ZNF804B: variants seen among roughly 807,000 people sequenced by gnomAD.
ZNF804B encodes the protein zinc finger protein 804B, also known as zinc finger 804B.
In ZNF804B, 80 loss-of-function variants were observed where a neutral mutation model predicts 101.4. The observed-to-expected ratio is 0.79, with a 90% confidence interval of 0.66 to 0.95. The LOEUF (loss-of-function observed/expected upper bound fraction) is 0.95, where lower values mean the gene tolerates loss of function less well. ZNF804B is among the 40% of genes least tolerant of loss of function. The probability of loss-of-function intolerance (pLI) is 0.00; values close to 1 mark genes in which losing one functional copy is unlikely to be tolerated. For synonymous variants in ZNF804B, 622 were observed against 558.8 expected, an observed-to-expected ratio of 1.11 and a Z score of -1.59; for missense variants, 1,673 against 1,561.9, an observed-to-expected ratio of 1.07 and a Z score of -1.20.
chr7:88,903,153 C>T lies in ZNF804B; in HGVS notation c.108+143069C>T, dbSNP rs548603640. On this transcript the variant is annotated intron_variant, in intron 1 of 3. Transcript: ENST00000333190. ...TTAATTGATTCCATCTTTACGTCCA[C>T]ATGTGCTCAATGTTGCTCCCACTTA... 2.0e-5 allele frequency among the ~76,000 whole-genome samples: 3 copies of T among 151,520 alleles called. No homozygotes were observed. The South Asian group carries it at 6.3e-4, about 32-fold the overall frequency.
In ZNF804B at chr7:88,854,527, T is replaced by TTTCCTTTCCTTCCCTCCC. The variant is rs1791519535; in HGVS notation, c.108+94449_108+94450insTCCTTCCCTCCCTTCCTT. The stretch of plus-strand genomic sequence containing the variant: ...CTTTCCTTTCCTTTCCTTTCCTTCC[T>TTTCCTTTCCTTCCCTCCC]TTCCTTCCTTCCTTCCTTCCTTCCT... On this transcript the variant is annotated intron_variant, in intron 1 of 3. Coordinates refer to ENST00000333190, the MANE Select transcript of ZNF804B (RefSeq NM_181646.5). 1.7e-4 allele frequency among the ~76,000 whole-genome samples: 7 copies of TTTCCTTTCCTTCCCTCCC among 40,078 alleles called. No individual in the cohort carries two copies. The East Asian group carries it at 7.6e-3, about 43-fold the overall frequency. 26.3% of individuals were successfully genotyped at this position (40,078 alleles called of 152,430 possible).
chr7:89,047,374 G>T (rs2116258534), intron 1 of ZNF804B, among the ~76,000 whole-genome samples: 1 of 152,166 alleles, frequency 6.6e-6, no homozygotes, highest in African/African-American at 2.4e-5. Context: ...ATATGAATTA[G>T]GGATAATGTG....
intron 2 of ZNF804B, among the ~76,000 whole-genome samples, chr7:89,321,892 G>C (rs1019950099): frequency 6.6e-6 from 1 of 152,046 alleles, no homozygotes; most frequent in African/African-American, 2.4e-5. Context: ...TAATAGAAAA[G>C]AGATATGACA....
chr7:89,072,270 A>G (rs928731631), intron 1 of ZNF804B, among the ~76,000 whole-genome samples: 2 of 152,138 alleles, frequency 1.3e-5, no homozygotes, highest in African/African-American at 2.4e-5. Context: ...CCTAGGTAAC[A>G]TTTCTTTCTC....
rs560192137 is a variant in ZNF804B, at chr7:89,031,296, C to T, written c.109-186859C>T. Among the ~76,000 whole-genome samples the T allele has an allele frequency of 4.6e-5, 7 of 151,664 alleles. No individual in the cohort carries two copies. The South Asian group carries it at 1.5e-3, about 32-fold the overall frequency. ...GTAAAACTTTCTCTGACTATACCCA[C>T]CTAGACTCAATTACCCTTTGCGCAC... On this transcript the variant is annotated intron_variant, in intron 1 of 3. Transcript: ENST00000333190.
chr7:89,305,529 G>C (rs977995481), intron 2 of ZNF804B, among the ~76,000 whole-genome samples: 5 of 149,412 alleles, frequency 3.3e-5, no homozygotes, highest in African/African-American at 1.3e-4. Context: ...AACATAGTTT[G>C]TTGTTGTTGT....
chr7:89,324,134 G>A (rs531968208), intron 2 of ZNF804B, among the ~76,000 whole-genome samples: 42 of 151,102 alleles, frequency 2.8e-4, no homozygotes, highest in East Asian at 1.9e-3. Context: ...AACGTTTTCC[G>A]TAAGTATTGG....
chr7:88,876,585 A>G (rs916726814), intron 1 of ZNF804B, among the ~76,000 whole-genome samples: 24 of 152,244 alleles, frequency 1.6e-4, no homozygotes, highest in South Asian at 6.2e-4. Context: ...CACTAGGTCT[A>G]TTTTAATCCA....
intron 1 of ZNF804B, among the ~76,000 whole-genome samples, chr7:89,030,465 CA>C (rs932053423): frequency 2.0e-5 from 3 of 151,258 alleles, no homozygotes; most frequent in Non-Finnish European, 4.4e-5. Flanking sequence ...TTGATCATGA[CA>C]AAAAAAACAA....
At chr7:88,986,922 A>C (rs997220498) in intron 1 of ZNF804B, among the ~76,000 whole-genome samples, 1 of 152,112 alleles carries the variant, frequency 6.6e-6, no homozygotes, top group Non-Finnish European at 1.5e-5. Context: ...TTGTTTTAAC[A>C]GTACCTCATT....
At chr7:89,106,668 A>G (rs1257222013) in intron 1 of ZNF804B, among the ~76,000 whole-genome samples, 5 of 152,140 alleles carry the variant, frequency 3.3e-5, no homozygotes, top group African/African-American at 7.2e-5. Context: ...GGAAGACAAC[A>G]TAGAAAAATC....
chr7:89,257,218 A>G (rs1470325132), intron 2 of ZNF804B, among the ~76,000 whole-genome samples: 3 of 152,172 alleles, frequency 2.0e-5, no homozygotes, highest in Admixed American at 2.0e-4. Context: ...TCAGTTTTGT[A>G]GTGACTAAAT....
chr7:89,057,983 A>G (rs1041080929), intron 1 of ZNF804B, among the ~76,000 whole-genome samples: 2 of 152,150 alleles, frequency 1.3e-5, no homozygotes, highest in Non-Finnish European at 2.9e-5. Context: ...TGAGGCATTT[A>G]TCAATATTCT....
At chr7:88,800,544 C>G (rs573558572) in intron 1 of ZNF804B, among the ~76,000 whole-genome samples, 1 of 151,952 alleles carries the variant, frequency 6.6e-6, no homozygotes, top group African/African-American at 2.4e-5. Flanking sequence ...CTTAAGATCC[C>G]CATGACTATG....
At chr7:89,138,189 G>A (rs1790664725) in intron 1 of ZNF804B, among the ~76,000 whole-genome samples, 1 of 152,110 alleles carries the variant, frequency 6.6e-6, no homozygotes. Flanking sequence ...GTGCAGAAGG[G>A]AAATGTGGGA....
intron 1 of ZNF804B, among the ~76,000 whole-genome samples, chr7:88,853,256 C>A (rs1344865815): frequency 6.6e-6 from 1 of 152,036 alleles, no homozygotes; most frequent in Non-Finnish European, 1.5e-5. Flanking sequence ...TAAGTAGTGG[C>A]CCTCACGCAC....
At chr7:89,064,563 C>T (rs1447937554) in intron 1 of ZNF804B, among the ~76,000 whole-genome samples, 16 of 152,090 alleles carry the variant, frequency 1.1e-4, no homozygotes, top group Non-Finnish European at 2.4e-4. Context: ...ATTGATTGTT[C>T]CTTTATGAAA....
intron 1 of ZNF804B, among the ~76,000 whole-genome samples, chr7:88,802,181 C>T (rs1215100460): frequency 1.3e-5 from 2 of 152,230 alleles, no homozygotes. Flanking sequence ...TTCCTGAGAC[C>T]TCCTCAATCA....
At chr7:88,999,275 A>G (rs1344913505) in intron 1 of ZNF804B, among the ~76,000 whole-genome samples, 3 of 152,064 alleles carry the variant, frequency 2.0e-5, no homozygotes, top group Non-Finnish European at 4.4e-5. Flanking sequence ...ATTTTATAAT[A>G]TTGGTATTAA....
Sources: gnomAD v4.1 joint callset for allele counts (sites outside exome capture counted in the v4.1 genomes callset) on GRCh38, gnomAD v4.1.1 for gene constraint, MANE v1.5 for transcripts, NCBI Gene and HGNC (gene_info 2026-07-23, HGNC 2026-07-21) for gene names.